The following SOX6 variants were observed in gnomAD, a reference collection of about 807,000 sequenced individuals.
SOX6 encodes SRY-box transcription factor 6.
A neutral mutation model predicts 97.8 loss-of-function variants in SOX6; 11 were observed. The ratio of observed to expected loss-of-function variants is 0.11; its 90% CI spans 0.07 to 0.19. The LOEUF (loss-of-function observed/expected upper bound fraction) is 0.19. Ranked by LOEUF, SOX6 falls within the 10% of genes least tolerant of loss-of-function variation. The pLI, the probability that SOX6 is intolerant of heterozygous loss-of-function variation, is 1.00. For missense variants in SOX6, 810 were observed against 1,039.5 expected (o/e 0.78, Z 3.04); for synonymous variants, 360 against 371.4 (o/e 0.97, Z 0.35).
chr11:16,483,767 G>A (rs939725361), intron 4 of SOX6, among the ~76,000 whole-genome samples: 18 of 152,194 alleles, frequency 1.2e-4, no homozygotes, highest in Non-Finnish European at 2.9e-5. Flanking sequence ...AATCCTTGTG[G>A]GAGGCACAGC....
intron 4 of SOX6, among the ~76,000 whole-genome samples, chr11:16,597,584 A>G (rs945743839): frequency 2.6e-5 from 4 of 151,996 alleles, no homozygotes; most frequent in African/African-American, 9.7e-5. Context: ...CAAATGAAGA[A>G]GAATGTTTGC....
At chr11:16,089,041 T>A (rs943892261) in intron 9 of SOX6, among the ~76,000 whole-genome samples, 1 of 152,112 alleles carries the variant, frequency 6.6e-6, no homozygotes, top group African/African-American at 2.4e-5. Flanking sequence ...GCCTGTTGGT[T>A]ACAGGTATGG....
intron 12 of SOX6, among the ~76,000 whole-genome samples, chr11:16,039,144 C>T (rs1300972263): frequency 6.6e-6 from 1 of 152,026 alleles, no homozygotes; most frequent in Non-Finnish European, 1.5e-5. Context: ...CCCTACTTAC[C>T]TTATTTTCCT....
intron 4 of SOX6, among the ~76,000 whole-genome samples, chr11:16,494,686 G>A (rs1159793770): frequency 6.6e-6 from 1 of 152,144 alleles, no homozygotes; most frequent in African/African-American, 2.4e-5. Context: ...CTAAGGCAAG[G>A]AAGGAAAGGG....
At chr11:16,018,586 A>T (rs976858419) in intron 12 of SOX6, among the ~76,000 whole-genome samples, 1 of 152,076 alleles carries the variant, frequency 6.6e-6, no homozygotes, top group Non-Finnish European at 1.5e-5. Context: ...TGATGTGCAC[A>T]GTATATTTTA....
intron 4 of SOX6, among the ~76,000 whole-genome samples, chr11:16,223,907 T>C (rs1852613886): frequency 6.6e-6 from 1 of 152,152 alleles, no homozygotes; most frequent in Non-Finnish European, 1.5e-5. Context: ...CTTGTATTTG[T>C]ATTATATCAA....
chr11:16,415,768 TA>T (rs1403782654), intron 1 of SOX6, among the ~76,000 whole-genome samples: 1 of 152,142 alleles, frequency 6.6e-6, no homozygotes, highest in Admixed American at 6.6e-5. Flanking sequence ...TCACGAGGGA[TA>T]CTAGCAAACT....
At chr11:16,380,737 G>T (rs985956564) in intron 1 of SOX6, among the ~76,000 whole-genome samples, 1 of 151,994 alleles carries the variant, frequency 6.6e-6, no homozygotes, top group Admixed American at 6.6e-5. Context: ...GACATAAAAA[G>T]CAATCAAGCA....
intron 2 of SOX6, among the ~76,000 whole-genome samples, chr11:16,340,683 A>G (rs1317014990): frequency 6.6e-6 from 1 of 151,990 alleles, no homozygotes; most frequent in Non-Finnish European, 1.5e-5. Context: ...AGCATACTTT[A>G]TTTGCTCATA....
chr11:16,133,689 T>C (rs1017393386), intron 6 of SOX6, among the ~76,000 whole-genome samples: 3 of 152,056 alleles, frequency 2.0e-5, no homozygotes, highest in Non-Finnish European at 4.4e-5. Flanking sequence ...TTTTGTTTTG[T>C]TTTGTTTTGT....
At chr11:16,626,783 T>G (rs1177265202) in intron 3 of SOX6, among the ~76,000 whole-genome samples, 1 of 152,222 alleles carries the variant, frequency 6.6e-6, no homozygotes, top group Non-Finnish European at 1.5e-5. Context: ...CTATGTATTT[T>G]ATGTCTGGAT....
At chr11:16,198,179 G>A (rs1258960967) in intron 4 of SOX6, among the ~76,000 whole-genome samples, 3 of 150,110 alleles carry the variant, frequency 2.0e-5, no homozygotes, top group African/African-American at 4.9e-5. Flanking sequence ...TCAGCCTCCC[G>A]AGTAGCTGGG....
chr11:16,338,266 A>G (rs1415436621), intron 2 of SOX6, among the ~76,000 whole-genome samples: 1 of 152,064 alleles, frequency 6.6e-6, no homozygotes, highest in Non-Finnish European at 1.5e-5. Flanking sequence ...TTTCATAAAC[A>G]TGTTTTTGAC....
At chr11:16,139,165 G>A (rs192100595) in intron 6 of SOX6, among the ~76,000 whole-genome samples, 58 of 152,234 alleles carry the variant, frequency 3.8e-4, no homozygotes, top group Non-Finnish European at 5.9e-5. Flanking sequence ...GAGTAATATA[G>A]TATCTACCAG....
At chr11:16,434,563 G>A (rs1236996610) in intron 1 of SOX6, 7 of 152,106 alleles carry the variant, frequency 4.6e-5, no homozygotes, top group East Asian at 1.9e-4. Context: ...TTATATAGAC[G>A]TTTAGTGCAG....
At position 16,046,552 on chromosome 11, in the gene SOX6, T is replaced by C. The variant is rs141494537; in HGVS notation, c.1585A>G (p.Ile529Val). The change falls in exon 12 of 16, where the codon ATA (isoleucine) becomes GTA (valine). Residue 529 changes from isoleucine (I) to valine (V), a missense_variant. By Grantham distance (29) the Ile-to-Val change is conservative (BLOSUM62 3). Transcript: ENST00000683767. ...CAGCTGTTCAGCCCCATATTATTTA[T>C]GGAGGACAGTTTCCCGTCAACACCA... ...PHGVDGKLSS[I>V]NNMGLNSCRN... is the part of the protein sequence containing the mutation. 114 of 1,613,732 alleles carry C rather than the reference T, an allele frequency of 7.1e-5. No homozygotes were observed. The highest frequency in any genetic ancestry group is 3.3e-4 in the Middle Eastern group (2 of 5,982).
At position 16,402,732 on chromosome 11, in the gene SOX6, CTGACTTAGGGGCTGGCTAGAAATATT is replaced by C. The variant is rs1858593559; in HGVS notation, c.-4-61506_-4-61481del. ...AAACTGTAGGTATTTGTTCCATCAC[CTGACTTAGGGGCTGGCTAGAAATATT>C]AGGAAAAAAAACAATCTACTATTGT... On this transcript the variant is annotated intron_variant, in intron 1 of 15. Transcript: ENST00000396356. 9.9e-6 allele frequency: 16 copies of C among 1,610,262 alleles called. No homozygotes were observed. The South Asian group carries it at 1.6e-4, about 17-fold the overall frequency.
intron 2 of SOX6, among the ~76,000 whole-genome samples, chr11:16,716,199 G>A (rs1848218462): frequency 1.3e-5 from 2 of 152,120 alleles, no homozygotes; most frequent in African/African-American, 2.4e-5. Flanking sequence ...CTGTGCCACT[G>A]CACTCTAGTC....
At chr11:16,379,791 A>G (rs1056931567) in intron 1 of SOX6, among the ~76,000 whole-genome samples, 4 of 151,994 alleles carry the variant, frequency 2.6e-5, no homozygotes, top group African/African-American at 4.8e-5. Context: ...TTAGCTACAG[A>G]TGAGTTTACT....
Sources: gnomAD v4.1 joint callset for allele counts (sites outside exome capture counted in the v4.1 genomes callset) on GRCh38, gnomAD v4.1.1 for gene constraint, MANE v1.5 for transcripts, NCBI Gene and HGNC (gene_info 2026-07-23, HGNC 2026-07-21) for gene names.